Variants in CNTLN observed in about 807,000 individuals in gnomAD.
The protein encoded by CNTLN is centlein, centrosomal protein.
In CNTLN, 212 loss-of-function variants were observed where a neutral mutation model predicts 180.0. The ratio of observed to expected loss-of-function variants is 1.18; its 90% confidence interval spans 1.05 to 1.32. The LOEUF is 1.32. Among genes scored for constraint, CNTLN ranks in the 40% most tolerant of loss-of-function variants. CNTLN has a pLI of 0.00. For synonymous variants in CNTLN, 722 were observed against 563.1 expected, an observed-to-expected ratio of 1.28 and a Z score of -3.99; for missense variants, 2,095 against 1,610.9, an observed-to-expected ratio of 1.30 and a Z score of -5.14.
intron 2 of CNTLN, among the ~76,000 whole-genome samples, chr9:17,212,443 T>G (rs975356342): frequency 6.6e-6 from 1 of 152,266 alleles, no homozygotes; most frequent in Non-Finnish European, 1.5e-5. Flanking sequence ...GATGTGCTGC[T>G]GGATTTGGTT....
At chr9:17,429,450 A>G (rs1254838921) in intron 18 of CNTLN, among the ~76,000 whole-genome samples, 1 of 152,116 alleles carries the variant, frequency 6.6e-6, no homozygotes, top group Non-Finnish European at 1.5e-5. Context: ...AACAAGGGAT[A>G]TCATACACTG....
intron 25 of CNTLN, among the ~76,000 whole-genome samples, chr9:17,497,044 A>G (rs1564154186): frequency 6.6e-6 from 1 of 152,218 alleles, no homozygotes; most frequent in East Asian, 1.9e-4. Flanking sequence ...ACCAATGTCC[A>G]AACAATTCAT....
intron 6 of CNTLN, among the ~76,000 whole-genome samples, chr9:17,284,428 C>G (rs1015214035): frequency 5.9e-5 from 9 of 151,878 alleles, no homozygotes; most frequent in Non-Finnish European, 1.0e-4. Flanking sequence ...TTGTTACTGC[C>G]CCTTCAGAAC....
rs181732681 is a variant in CNTLN at position 17,261,076 on chromosome 9, G to C, written c.850-12657G>C. 1.8e-3 allele frequency among the ~76,000 whole-genome samples: 269 copies of C among 151,554 alleles called. 16 individuals carry two copies. Among genetic ancestry groups the C allele is most frequent in the African/African-American group, 6.3e-3 (259 of 40,954 alleles). The stretch of plus-strand genomic sequence containing the variant: ...ATAGTACCATGCTATTTTGGTTACT[G>C]TAGCCCTGTAGTATAGTTTGAGGTT... On this transcript the variant is annotated intron_variant, in intron 5 of 25. Transcript: ENST00000380647.
intron 16 of CNTLN, among the ~76,000 whole-genome samples, chr9:17,412,644 G>T (rs1481141734): frequency 6.6e-6 from 1 of 152,140 alleles, no homozygotes; most frequent in Non-Finnish European, 1.5e-5. Flanking sequence ...TTGCCCAGCT[G>T]TAGGCTAATG....
intron 2 of CNTLN, among the ~76,000 whole-genome samples, chr9:17,147,041 T>TA (rs1431731414): frequency 6.6e-6 from 1 of 152,196 alleles, no homozygotes; most frequent in Non-Finnish European, 1.5e-5. Flanking sequence ...CCTTGCTTTA[T>TA]ATAGGTATGT....
At chr9:17,382,299 G>A (rs1825317207) in intron 13 of CNTLN, among the ~76,000 whole-genome samples, 1 of 152,090 alleles carries the variant, frequency 6.6e-6, no homozygotes, top group Admixed American at 6.5e-5. Flanking sequence ...CAGATTTCTG[G>A]CAAGTAACTC....
chr9:17,323,895 T>C (rs2133059940), intron 8 of CNTLN, among the ~76,000 whole-genome samples: 1 of 152,348 alleles, frequency 6.6e-6, no homozygotes, highest in African/African-American at 2.4e-5. Flanking sequence ...GTTTTGATAA[T>C]GCAATCAGGA....
chr9:17,373,159 G>A (rs1824467132), intron 13 of CNTLN, among the ~76,000 whole-genome samples: 1 of 152,054 alleles, frequency 6.6e-6, no homozygotes, highest in Admixed American at 6.5e-5. Context: ...AAGAAAGAAA[G>A]GGCATCCAAA....
chr9:17,442,862 G>A (rs1830187770), intron 18 of CNTLN, among the ~76,000 whole-genome samples: 1 of 152,182 alleles, frequency 6.6e-6, no homozygotes, highest in South Asian at 2.1e-4. Context: ...TTGAAAATTT[G>A]TTAAGAAAGT....
At chr9:17,248,953 C>CT (rs1333862644) in intron 5 of CNTLN, among the ~76,000 whole-genome samples, 1 of 151,526 alleles carries the variant, frequency 6.6e-6, no homozygotes, top group East Asian at 1.9e-4. Context: ...TATTTGCATC[C>CT]TTTTTTTTCT....
At chr9:17,300,873 C>T (rs1818296183) in intron 7 of CNTLN, 1 of 547,352 alleles carries the variant, frequency 1.8e-6, no homozygotes, top group Non-Finnish European at 2.3e-6. Flanking sequence ...GTAATACTTT[C>T]TTCCAGTGCC....
intron 2 of CNTLN, among the ~76,000 whole-genome samples, chr9:17,197,015 G>A (rs1822176525): frequency 1.3e-5 from 2 of 152,182 alleles, no homozygotes; most frequent in South Asian, 2.1e-4. Flanking sequence ...CCAGTCTCTG[G>A]TAATCATCAT....
At chr9:17,219,820 A>G (rs971256384) in intron 2 of CNTLN, among the ~76,000 whole-genome samples, 1 of 151,996 alleles carries the variant, frequency 6.6e-6, no homozygotes. Flanking sequence ...ATGCTAGCCA[A>G]TGTGGTTTCT....
At chr9:17,257,590 C>T (rs2132328420) in intron 5 of CNTLN, among the ~76,000 whole-genome samples, 1 of 151,482 alleles carries the variant, frequency 6.6e-6, no homozygotes, top group East Asian at 1.9e-4. Flanking sequence ...TACAGTCCCA[C>T]CAACAGTGTA....
chr9:17,342,598 A>T (rs962346683), intron 12 of CNTLN, among the ~76,000 whole-genome samples, 154 bp downstream of exon 12: 1 of 152,242 alleles, frequency 6.6e-6, no homozygotes, highest in African/African-American at 2.4e-5. Flanking sequence ...TTTTAAAAAT[A>T]TATATATGTA....
At chr9:17,437,608 G>C (rs994504892) in intron 18 of CNTLN, among the ~76,000 whole-genome samples, 1 of 152,002 alleles carries the variant, frequency 6.6e-6, no homozygotes, top group African/African-American at 2.4e-5. Flanking sequence ...TTTAGAGTTT[G>C]GTTTTAAATG....
chr9:17,468,170 A>T (rs1416065977), intron 23 of CNTLN, among the ~76,000 whole-genome samples: 1 of 151,714 alleles, frequency 6.6e-6, no homozygotes, highest in Non-Finnish European at 1.5e-5. Context: ...GTTCTCACTT[A>T]TAAGTGGAAC....
chr9:17,492,841 C>A (rs1833238562), intron 25 of CNTLN, among the ~76,000 whole-genome samples: 1 of 152,006 alleles, frequency 6.6e-6, no homozygotes, highest in South Asian at 2.1e-4. Context: ...GATCCAAATG[C>A]CCACCGATGA....
Sources: allele counts gnomAD v4.1 joint callset (sites outside exome capture counted in the v4.1 genomes callset), GRCh38; gene constraint gnomAD v4.1.1; transcripts MANE v1.5; gene names NCBI Gene and HGNC (gene_info 2026-07-23, HGNC 2026-07-21).